Variants in NSMCE1 observed in about 807,000 individuals in gnomAD.
NSMCE1 encodes the protein non-structural maintenance of chromosomes element 1 homolog.
In NSMCE1, 18 loss-of-function variants were observed where a neutral mutation model predicts 29.6. The ratio of observed to expected loss-of-function variants is 0.61; its 90% CI spans 0.42 to 0.90. The LOEUF (loss-of-function observed/expected upper bound fraction) is 0.90. Ranked by LOEUF, NSMCE1 falls within the 40% of genes least tolerant of loss-of-function variation. NSMCE1 has a pLI of 0.00. For missense variants in NSMCE1, 314 were observed against 343.6 expected (o/e 0.91, Z 0.68); for synonymous variants, 124 against 133.4 (o/e 0.93, Z 0.49).
intron 2 of NSMCE1, among the ~76,000 whole-genome samples, chr16:27,254,399 T>G (rs575388952): frequency 1.4e-4 from 21 of 152,262 alleles, no homozygotes; most frequent in African/African-American, 4.8e-4. Context: ...AATTAGATCA[T>G]AACAATTTTA....
intron 5 of NSMCE1, among the ~76,000 whole-genome samples, chr16:27,231,986 C>T (rs559476942): frequency 6.6e-6 from 1 of 152,326 alleles, no homozygotes; most frequent in South Asian, 2.1e-4. Context: ...ACCCCATGAC[C>T]TCTCCACCCT....
chr16:27,225,012 T>C lies in NSMCE1; in HGVS notation c.*145A>G, dbSNP rs2083671339. 1.7e-6 allele frequency: 1 copy of C among 602,432 alleles called. No individual in the cohort carries two copies. Among genetic ancestry groups the C allele is most frequent in the Non-Finnish European group, 3.0e-6 (1 of 334,996 alleles). 37.3% of individuals were successfully genotyped at this position (602,432 alleles called of 1,614,324 possible). A position where few individuals can be genotyped will look rare whatever the true frequency, so the allele number is the denominator to read the frequency against. On this transcript the variant is annotated 3_prime_UTR_variant, in exon 8 of 8. Coordinates refer to ENST00000361439, the MANE Select transcript of NSMCE1 (RefSeq NM_145080.4). ...GACGGGCTGCAGCAACTTCCCAGGA[T>C]GGTTTATTCCAAAGCTGTGGACGGT... is the stretch of plus-strand genomic sequence containing the variant.
chr16:27,232,499 A>T lies in NSMCE1; in HGVS notation c.483+502T>A, dbSNP rs2083772585. ...CAAAAACAACAGTGGTAATGTCACC[A>T]ATTCCTCTGCCGCCTCCCCCGCGAG... On this transcript the variant is annotated intron_variant, in intron 5 of 7. Transcript: ENST00000361439. This position sits in a 1 kb window ranked among gnomAD's most constrained non-coding sequence, Gnocchi z 4.5. Among the ~76,000 whole-genome samples, 1 of 152,162 alleles carries T rather than the reference A, an allele frequency of 6.6e-6. No individual in the cohort carries two copies. Among genetic ancestry groups the T allele is most frequent in the Non-Finnish European group, 1.5e-5 (1 of 68,022 alleles).
chr16:27,240,336 C>T (rs2083879513), intron 2 of NSMCE1, among the ~76,000 whole-genome samples: 1 of 152,200 alleles, frequency 6.6e-6, no homozygotes, highest in Non-Finnish European at 1.5e-5. Context: ...AGAGGAGCTG[C>T]ACTCACAGAG....
At chr16:27,246,049 G>A (rs991598896) in intron 2 of NSMCE1, among the ~76,000 whole-genome samples, 7 of 152,154 alleles carry the variant, frequency 4.6e-5, no homozygotes, top group Non-Finnish European at 8.8e-5. Context: ...AGCGTGAGAC[G>A]ACGAAGCAGA....
At chr16:27,227,725 T>C (rs1055900285) in intron 5 of NSMCE1, among the ~76,000 whole-genome samples, 2 of 151,996 alleles carry the variant, frequency 1.3e-5, no homozygotes, top group Admixed American at 1.3e-4. Context: ...CCTTTTCTGT[T>C]ATTTTCTAAT....
At chr16:27,238,466 C>T (rs2083852152) in intron 2 of NSMCE1, among the ~76,000 whole-genome samples, 1 of 152,174 alleles carries the variant, frequency 6.6e-6, no homozygotes, top group Non-Finnish European at 1.5e-5. Flanking sequence ...AGCCGCCGCC[C>T]CAAGACAGGA....
At chr16:27,234,736 T>C (rs150638111) in intron 3 of NSMCE1, among the ~76,000 whole-genome samples, 2 of 152,358 alleles carry the variant, frequency 1.3e-5, no homozygotes, top group East Asian at 3.9e-4. Flanking sequence ...AGATGTCCTC[T>C]GACCAGCTGA....
chr16:27,266,299 T>C (rs1475784225), intron 1 of NSMCE1: 2 of 152,214 alleles, frequency 1.3e-5, no homozygotes, highest in Non-Finnish European at 2.9e-5. Flanking sequence ...GATTGAATGC[T>C]ATAATTTGGT....
At chr16:27,244,693 A>G (rs1009275319) in intron 2 of NSMCE1, among the ~76,000 whole-genome samples, 4 of 152,136 alleles carry the variant, frequency 2.6e-5, no homozygotes, top group African/African-American at 9.7e-5. Flanking sequence ...CCAAAGCCAC[A>G]CCCCAGGCCC....
At chr16:27,247,161 T>C (rs948984557) in intron 2 of NSMCE1, among the ~76,000 whole-genome samples, 2 of 152,176 alleles carry the variant, frequency 1.3e-5, no homozygotes, top group South Asian at 2.1e-4. Context: ...TCATCTTGAA[T>C]TGTAGTTCCC....
intron 3 of NSMCE1, among the ~76,000 whole-genome samples, chr16:27,234,849 A>G (rs921449436): frequency 7.2e-5 from 11 of 152,156 alleles, no homozygotes; most frequent in African/African-American, 2.7e-4. Context: ...TGGCATCCTG[A>G]ACACATCACG....
chr16:27,225,187 G>A lies in NSMCE1; in HGVS notation c.771C>T (p.Asn257=). The A allele has an allele frequency of 6.2e-7, 1 of 1,606,864 alleles. No homozygotes were observed. Among genetic ancestry groups the A allele is most frequent in the South Asian group, 1.1e-5 (1 of 89,688 alleles). ...GCTGCCTGGACCGCAGGGACTTTTT[G>A]TTCGATTTCAAGACACCAGACTCCC... ...KERESGVLKS[N]KKSLRSRQH is the part of the protein sequence containing the mutation. The change falls in exon 8 of 8, where the codon AAC becomes AAT. Residue 257 remains asparagine (N), a synonymous_variant. Coordinates refer to ENST00000361439, the MANE Select transcript of NSMCE1 (RefSeq NM_145080.4).
At chr16:27,235,681 A>G (rs1488654258) in intron 2 of NSMCE1, among the ~76,000 whole-genome samples, 1 of 152,066 alleles carries the variant, frequency 6.6e-6, no homozygotes, top group Admixed American at 6.5e-5. Flanking sequence ...ATCCTATCCC[A>G]TCTCAGCCCT....
At chr16:27,233,329 C>A (rs2083782123) in intron 4 of NSMCE1, among the ~76,000 whole-genome samples, 182 bp from the exon 5 acceptor site, 1 of 152,244 alleles carries the variant, frequency 6.6e-6, no homozygotes, top group South Asian at 2.1e-4. Flanking sequence ...GTGCTCAGTT[C>A]TTTTGACTCA....
chr16:27,243,800 G>A (rs913698086), intron 2 of NSMCE1, among the ~76,000 whole-genome samples: 4 of 152,104 alleles, frequency 2.6e-5, no homozygotes, highest in Non-Finnish European at 5.9e-5. Context: ...ACAAGCACGA[G>A]CCACTACGCT....
At chr16:27,245,010 CA>C (rs1263080632) in intron 2 of NSMCE1, among the ~76,000 whole-genome samples, 1 of 152,200 alleles carries the variant, frequency 6.6e-6, no homozygotes, top group East Asian at 1.9e-4. Flanking sequence ...ATACCAGCAC[CA>C]TGGGTCTTCT....
At chr16:27,250,323 A>G (rs898240046) in intron 2 of NSMCE1, among the ~76,000 whole-genome samples, 5 of 152,214 alleles carry the variant, frequency 3.3e-5, no homozygotes, top group African/African-American at 1.2e-4. Flanking sequence ...TTCTCCTGAG[A>G]TTAGGGAAAA....
chr16:27,258,708 T>C (rs1197538873), intron 1 of NSMCE1, among the ~76,000 whole-genome samples: 2 of 152,090 alleles, frequency 1.3e-5, no homozygotes, highest in Non-Finnish European at 2.9e-5. Context: ...ACCTGGCACA[T>C]AAGAGATCCA....
Sources: allele counts gnomAD v4.1 joint callset (sites outside exome capture counted in the v4.1 genomes callset), GRCh38; gene constraint gnomAD v4.1.1; non-coding constraint Gnocchi (gnomAD v3.1); transcripts MANE v1.5; gene names NCBI Gene and HGNC (gene_info 2026-07-23, HGNC 2026-07-21).